Variants in SPMIP2 observed in about 807,000 individuals in gnomAD.
The protein encoded by SPMIP2 is protein SPMIP2.
the SPMIP2 span, among the ~76,000 whole-genome samples, chr4:158,980,071 T>A: frequency 1.3e-5 from 2 of 152,118 alleles, no homozygotes; most frequent in African/African-American, 4.8e-5. Context: ...CCCCTCACAG[T>A]GTAAACAAAG....
chr4:158,984,290 C>A, the SPMIP2 span, among the ~76,000 whole-genome samples: 1,081 of 112,576 alleles, frequency 9.6e-3, 20 homozygotes, highest in Middle Eastern at 0.053. Flanking sequence ...ACCTAATAGA[C>A]ATCTACAGAA....
the SPMIP2 span, among the ~76,000 whole-genome samples, chr4:159,011,978 C>A: frequency 6.6e-6 from 1 of 151,168 alleles, no homozygotes; most frequent in East Asian, 1.9e-4. Flanking sequence ...ATCACTTGAA[C>A]CCAGAAGGCA....
the SPMIP2 span, among the ~76,000 whole-genome samples, chr4:158,954,126 G>A: frequency 1.3e-5 from 2 of 152,156 alleles, no homozygotes; most frequent in African/African-American, 4.8e-5. Context: ...GGGGCAGAAT[G>A]ATATGGTTTG....
chr4:159,009,062 A>G, the SPMIP2 span, among the ~76,000 whole-genome samples: 4 of 152,342 alleles, frequency 2.6e-5, no homozygotes, highest in South Asian at 4.1e-4. Flanking sequence ...AACATTTCCA[A>G]CATGGTCAAT....
chr4:158,919,719 C>T, the SPMIP2 span, among the ~76,000 whole-genome samples: 9 of 152,168 alleles, frequency 5.9e-5, no homozygotes, highest in African/African-American at 9.7e-5. Context: ...TATGGGCTCA[C>T]GGTTTCCTGC....
chr4:158,964,194 CAT>C, the SPMIP2 span, among the ~76,000 whole-genome samples: 3 of 123,088 alleles, frequency 2.4e-5, no homozygotes, highest in Admixed American at 2.5e-4. Flanking sequence ...AAACAAAAAA[CAT>C]GTGGAGGGAT....
the SPMIP2 span, among the ~76,000 whole-genome samples, chr4:158,982,674 A>G: frequency 4.6e-5 from 7 of 152,338 alleles, no homozygotes; most frequent in Non-Finnish European, 7.3e-5. Context: ...TTTGAAACCA[A>G]TGAGAACAAA....
chr4:158,947,722 A>T, the SPMIP2 span, among the ~76,000 whole-genome samples: 1 of 152,220 alleles, frequency 6.6e-6, no homozygotes, highest in Non-Finnish European at 1.5e-5. Flanking sequence ...TAGAACAAAA[A>T]GTCCGAGAGA....
At chr4:158,947,782 C>T in the SPMIP2 span, among the ~76,000 whole-genome samples, 4 of 151,990 alleles carry the variant, frequency 2.6e-5, no homozygotes, top group African/African-American at 9.7e-5. Context: ...TGTGTAATAT[C>T]TAACTAATAA....
chr4:158,979,789 G>GTTTTT, the SPMIP2 span, among the ~76,000 whole-genome samples: 86 of 104,462 alleles, frequency 8.2e-4, no homozygotes, highest in South Asian at 2.1e-3. Context: ...AGTTGCAAGA[G>GTTTTT]TTTTTTTTTT....
the SPMIP2 span, among the ~76,000 whole-genome samples, chr4:158,948,466 T>C: frequency 1.4e-4 from 22 of 152,188 alleles, no homozygotes; most frequent in Non-Finnish European, 2.4e-4. Flanking sequence ...TCCAGCATTG[T>C]GTCAAGAAGT....
At chr4:158,993,080 A>G in the SPMIP2 span, among the ~76,000 whole-genome samples, 51,129 of 151,930 alleles carry the variant, frequency 0.34, 9,172 homozygotes, top group Middle Eastern at 0.41. Context: ...TTCTGCCAAC[A>G]CTTGAAAAAA....
the SPMIP2 span, among the ~76,000 whole-genome samples, chr4:159,073,630 C>A: frequency 1.3e-5 from 2 of 152,180 alleles, no homozygotes; most frequent in African/African-American, 4.8e-5. Context: ...TGCTGCCATC[C>A]TCCCTCTCCT....
At chr4:159,003,799 C>T in the SPMIP2 span, among the ~76,000 whole-genome samples, 2 of 152,298 alleles carry the variant, frequency 1.3e-5, no homozygotes, top group African/African-American at 4.8e-5. Flanking sequence ...ACTAGAAATG[C>T]TAACCATTCA....
the SPMIP2 span, among the ~76,000 whole-genome samples, chr4:158,953,905 T>A: frequency 6.6e-6 from 1 of 152,228 alleles, no homozygotes; most frequent in Middle Eastern, 3.2e-3. Context: ...ACAGCTGTAT[T>A]TACCCATTAC....
chr4:159,020,892 G>A, the SPMIP2 span, among the ~76,000 whole-genome samples: 1 of 152,098 alleles, frequency 6.6e-6, no homozygotes, highest in Non-Finnish European at 1.5e-5. Flanking sequence ...CTCCCGAGTA[G>A]CTGGGACTAC....
the SPMIP2 span, among the ~76,000 whole-genome samples, chr4:158,898,932 G>A: frequency 2.0e-5 from 3 of 152,140 alleles, no homozygotes; most frequent in Non-Finnish European, 4.4e-5. Flanking sequence ...GTTTCCAAAG[G>A]GAATTCTTCC....
At chr4:158,943,037 CAT>C in the SPMIP2 span, among the ~76,000 whole-genome samples, 82 of 152,248 alleles carry the variant, frequency 5.4e-4, no homozygotes, top group African/African-American at 1.9e-3. Flanking sequence ...AAAGAATAAA[CAT>C]GAGCTGCTCT....
the SPMIP2 span, among the ~76,000 whole-genome samples, chr4:159,020,508 C>A: frequency 6.6e-6 from 1 of 152,104 alleles, no homozygotes. Context: ...AGTGAGTGCC[C>A]CACATTGAAG....
Sources: allele counts gnomAD v4.1 joint callset (sites outside exome capture counted in the v4.1 genomes callset), GRCh38; gene constraint gnomAD v4.1.1; transcripts MANE v1.5; gene names NCBI Gene and HGNC (gene_info 2026-07-23, HGNC 2026-07-21).